Variants in TBC1D30 observed in about 807,000 individuals in gnomAD.
TBC1D30 encodes the protein TBC1 domain family, member 30.
In TBC1D30, 31 loss-of-function variants were observed where a neutral mutation model predicts 63.2. The observed-to-expected ratio is 0.49, with a 90% CI of 0.37 to 0.66. The LOEUF (loss-of-function observed/expected upper bound fraction) is 0.66. TBC1D30 is among the 30% of genes least tolerant of loss of function. The pLI is 0.00. For synonymous variants in TBC1D30, 307 were observed against 361.5 expected (o/e 0.85, Z 1.71); for missense variants, 810 against 953.6 (o/e 0.85, Z 1.98).
chr12:64,801,948 G>GT (rs1224833145), intron 2 of TBC1D30, among the ~76,000 whole-genome samples: 2 of 152,048 alleles, frequency 1.3e-5, no homozygotes, highest in Non-Finnish European at 2.9e-5. Flanking sequence ...GCTTTTTGGC[G>GT]TTTTTGCTGT....
upstream of TBC1D30, among the ~76,000 whole-genome samples, chr12:64,821,890 T>C (rs1357580998): frequency 6.6e-6 from 1 of 152,232 alleles, no homozygotes; most frequent in Non-Finnish European, 1.5e-5. Context: ...GTGACTTCAT[T>C]TTCTAAAGTG....
At position 64,825,142 on chromosome 12, in the gene TBC1D30, G is replaced by C. The variant is rs567975224; in HGVS notation, c.154+109G>C. ...GGCCGGGGAGCTCTGGGGAAAGTCC[G>C]CGTGCCACCTGGTGCGGGGCACCGC... On this transcript the variant is annotated intron_variant, in intron 1 of 11. Coordinates refer to ENST00000539867, the MANE Select transcript of TBC1D30 (RefSeq NM_015279.2). The C allele has an allele frequency of 9.3e-4, 1,303 of 1,397,638 alleles. 2 individuals are homozygous for C. Among genetic ancestry groups the C allele is most frequent in the Non-Finnish European group, 1.1e-3 (1,132 of 1,064,396 alleles). 86.6% of individuals were successfully genotyped at this position (1,397,638 alleles called of 1,614,324 possible).
intron 7 of TBC1D30, among the ~76,000 whole-genome samples, chr12:64,839,936 C>T (rs753012159): frequency 7.2e-6 from 1 of 139,104 alleles, no homozygotes; most frequent in Non-Finnish European, 1.5e-5. Context: ...ACCCAGGGGA[C>T]GGAGCTTGCA....
chr12:64,820,572 G>A (rs1325575215), upstream of TBC1D30, among the ~76,000 whole-genome samples: 1 of 152,130 alleles, frequency 6.6e-6, no homozygotes, highest in Non-Finnish European at 1.5e-5. Context: ...GTAGACTGTG[G>A]CAGTGTATAA....
intron 4 of TBC1D30, 57 bp from the exon 5 acceptor site, chr12:64,832,062 T>C (rs2136373215): frequency 7.1e-7 from 1 of 1,407,324 alleles, no homozygotes; most frequent in Non-Finnish European, 9.3e-7. Context: ...AAAAAGGTAT[T>C]GTTTTGGAAA....
intron 1 of TBC1D30, among the ~76,000 whole-genome samples, chr12:64,770,221 C>T (rs1359447996): frequency 6.6e-6 from 1 of 151,604 alleles, no homozygotes; most frequent in Admixed American, 6.6e-5. Context: ...AGACTCTACA[C>T]TCTGAAGAAT....
chr12:64,789,191 T>TC (rs1217505019), intron 2 of TBC1D30, among the ~76,000 whole-genome samples: 3 of 149,710 alleles, frequency 2.0e-5, no homozygotes, highest in African/African-American at 7.4e-5. Context: ...CTTCTTTTTT[T>TC]TTTTTTTTGG....
At chr12:64,820,090 C>T, upstream of TBC1D30, among the ~76,000 whole-genome samples, 1 of 152,124 alleles carries the variant, frequency 6.6e-6, no homozygotes, top group East Asian at 1.9e-4. Flanking sequence ...CTTCCAGGGC[C>T]TTTTCTCTTG....
chr12:64,848,845 G>A (rs1272540254), intron 8 of TBC1D30, among the ~76,000 whole-genome samples: 1 of 152,186 alleles, frequency 6.6e-6, no homozygotes, highest in Non-Finnish European at 1.5e-5. Context: ...TTCAGGAATT[G>A]CCACACTGTC....
intron 3 of TBC1D30, among the ~76,000 whole-genome samples, chr12:64,829,626 G>C (rs1874664801): frequency 1.3e-5 from 2 of 152,136 alleles, no homozygotes; most frequent in Non-Finnish European, 2.9e-5. Context: ...ATGCTTCTGA[G>C]GTTAGGAGAG....
At chr12:64,779,528 G>T (rs748678741), upstream of TBC1D30, among the ~76,000 whole-genome samples, 11 of 151,998 alleles carry the variant, frequency 7.2e-5, no homozygotes, top group Admixed American at 6.6e-5. Flanking sequence ...TGCAGTGCTG[G>T]TGTCAAGGTA....
At chr12:64,806,614 A>G (rs1008220826) in intron 2 of TBC1D30, among the ~76,000 whole-genome samples, 2 of 152,224 alleles carry the variant, frequency 1.3e-5, no homozygotes, top group African/African-American at 4.8e-5. Context: ...GGAAAACAGT[A>G]TGGTGGTTCC....
chr12:64,787,877 A>T (rs1871688114), intron 2 of TBC1D30, among the ~76,000 whole-genome samples: 2 of 152,128 alleles, frequency 1.3e-5, no homozygotes, highest in South Asian at 4.1e-4. Context: ...CTCTACTAAA[A>T]ATATAAAAAT....
At chr12:64,781,164 C>A in exon 1 of TBC1D30, 1 of 1,033,650 alleles carries the variant, frequency 9.7e-7, no homozygotes, top group South Asian at 3.0e-5. Context: ...GACAGCTCCA[C>A]CGAGGCCTCG....
chr12:64,849,543 T>A (rs1306023027), intron 8 of TBC1D30, among the ~76,000 whole-genome samples: 1 of 152,220 alleles, frequency 6.6e-6, no homozygotes, highest in Non-Finnish European at 1.5e-5. Flanking sequence ...CTTTCCCCAT[T>A]GCTCGTTTGT....
chr12:64,834,684 C>T (rs912374138), intron 5 of TBC1D30, among the ~76,000 whole-genome samples: 2 of 147,196 alleles, frequency 1.4e-5, no homozygotes, highest in Non-Finnish European at 3.0e-5. Context: ...GCTGGGATTA[C>T]AGGCATGAGC....
chr12:64,876,514 C>T lies in TBC1D30; in HGVS notation c.*726C>T, dbSNP rs979473600. ...ACGCAGTTGCTCCGGACAGCTTGCT[C>T]GCGCCACTGAGCTTTTCCTGAGGTT... is the stretch of plus-strand genomic sequence containing the variant. On this transcript the variant is annotated 3_prime_UTR_variant, in exon 12 of 12. Coordinates refer to ENST00000539867, the MANE Select transcript of TBC1D30 (RefSeq NM_015279.2). 2.4e-5 allele frequency: 7 copies of T among 295,440 alleles called. No individual in the cohort carries two copies. The highest frequency in any genetic ancestry group is 8.7e-5 in the African/African-American group (4 of 46,136). 18.3% of individuals were successfully genotyped at this position (295,440 alleles called of 1,614,324 possible).
In TBC1D30 at chr12:64,879,120, AAG is replaced by A. The variant is rs1879291599; in HGVS notation, c.*3335_*3336del. 2 of 152,720 alleles carry A rather than the reference AAG, an allele frequency of 1.3e-5. No homozygotes were observed. Among genetic ancestry groups the A allele is most frequent in the African/African-American group, 4.8e-5 (2 of 41,456 alleles). 9.5% of individuals were successfully genotyped at this position (152,720 alleles called of 1,614,324 possible). Reference sequence around the variant, plus strand: ...GGTTTTAGAAAATTGGGAAAACAAAAAGAGCATAAAGAATCATCAATACTCTG... The same window carrying A: ...GGTTTTAGAAAATTGGGAAAACAAAAAGCATAAAGAATCATCAATACTCTG... On this transcript the variant is annotated 3_prime_UTR_variant, in exon 12 of 12. Transcript: ENST00000539867.
chr12:64,857,083 A>C (rs911537001), intron 8 of TBC1D30, among the ~76,000 whole-genome samples: 3 of 151,084 alleles, frequency 2.0e-5, no homozygotes, highest in African/African-American at 7.3e-5. Flanking sequence ...TTGTTGCTCT[A>C]CTCTACTGTG....
Sources: allele counts gnomAD v4.1 joint callset (sites outside exome capture counted in the v4.1 genomes callset), GRCh38; gene constraint gnomAD v4.1.1; transcripts MANE v1.5; gene names NCBI Gene and HGNC (gene_info 2026-07-23, HGNC 2026-07-21).